The following SOX6 variants were observed in gnomAD, a reference collection of about 807,000 sequenced individuals.
SOX6 encodes transcription factor SOX-6.
A neutral mutation model predicts 97.8 loss-of-function variants in SOX6; 11 were observed. The observed-to-expected ratio is 0.11, with a 90% CI of 0.07 to 0.19. The LOEUF (loss-of-function observed/expected upper bound fraction) is 0.19, where lower values mean the gene tolerates loss of function less well. Ranked by LOEUF, SOX6 falls within the 10% of genes least tolerant of loss-of-function variation. The pLI is 1.00. For synonymous variants in SOX6, 360 were observed against 371.4 expected, an observed-to-expected ratio of 0.97 and a Z score of 0.35; for missense variants, 810 against 1,039.5, an observed-to-expected ratio of 0.78 and a Z score of 3.04.
At chr11:16,507,811 C>T (rs1860815668) in intron 4 of SOX6, among the ~76,000 whole-genome samples, 1 of 152,064 alleles carries the variant, frequency 6.6e-6, no homozygotes, top group African/African-American at 2.4e-5. Flanking sequence ...TACTTCAAGA[C>T]ATAGGTCTAG....
chr11:16,608,724 C>A (rs1383441278), intron 4 of SOX6, among the ~76,000 whole-genome samples: 2 of 152,004 alleles, frequency 1.3e-5, no homozygotes, highest in East Asian at 1.9e-4. Flanking sequence ...AGGACATGTA[C>A]AAATCACCAA....
rs548023520 is a variant in SOX6, at chr11:16,221,385, G to C, written c.535+13197C>G. ...ATAAAAATTATTAATTTTATTAAAT[G>C]GTGACTTTTAAGTACATATACTTTT... On this transcript the variant is annotated intron_variant, in intron 4 of 15. Coordinates refer to ENST00000683767, the MANE Select transcript of SOX6 (RefSeq NM_001367873.1). Among the ~76,000 whole-genome samples the C allele has an allele frequency of 1.5e-3, 235 of 152,058 alleles. No homozygotes were observed. In the Middle Eastern group the frequency reaches 0.017, roughly 11 times the overall value.
chr11:16,691,241 G>A, intron 3 of SOX6, among the ~76,000 whole-genome samples: 1 of 152,186 alleles, frequency 6.6e-6, no homozygotes, highest in East Asian at 1.9e-4. Context: ...AGCAGAGGAA[G>A]CTAGCTAAAA....
In SOX6 at chr11:16,269,483, A is replaced by G. The variant is rs1397063572; in HGVS notation, c.446-34812T>C. Among the ~76,000 whole-genome samples, 4 of 150,786 alleles carry G rather than the reference A, an allele frequency of 2.7e-5. No individual in the cohort carries two copies. In the East Asian group the frequency reaches 5.8e-4, roughly 22 times the overall value. ...ACTTCGGGGAATGTGTTACATTTAT[A>G]AATTATAAATTTATAAAAATTTAAA... On this transcript the variant is annotated intron_variant, in intron 3 of 15. Transcript: ENST00000683767.
chr11:16,714,201 TA>T (rs1273213901), intron 3 of SOX6, among the ~76,000 whole-genome samples: 1 of 152,120 alleles, frequency 6.6e-6, no homozygotes, highest in Admixed American at 6.5e-5. Flanking sequence ...CAAATAGGTT[TA>T]TGTAGACTAT....
At chr11:16,056,602 C>T (rs887274780) in intron 9 of SOX6, among the ~76,000 whole-genome samples, 3 of 152,168 alleles carry the variant, frequency 2.0e-5, no homozygotes, top group African/African-American at 4.8e-5. Context: ...CCACACTTCT[C>T]TCTTCAGGTC....
intron 2 of SOX6, among the ~76,000 whole-genome samples, chr11:16,719,139 G>A (rs1848240536): frequency 6.6e-6 from 1 of 152,126 alleles, no homozygotes; most frequent in Non-Finnish European, 1.5e-5. Flanking sequence ...AAAATGTTGA[G>A]TGTCAAAGAG....
At chr11:16,186,644 G>GTT (rs201353701) in intron 5 of SOX6, 139 bp downstream of exon 5, 32 of 1,061,718 alleles carry the variant, frequency 3.0e-5, no homozygotes, top group Non-Finnish European at 3.8e-5. Flanking sequence ...AGAAGGCTTT[G>GTT]TTTTTTTTTT....
chr11:16,066,113 G>A (rs768559572), intron 9 of SOX6, among the ~76,000 whole-genome samples: 1 of 152,126 alleles, frequency 6.6e-6, no homozygotes, highest in Non-Finnish European at 1.5e-5. Context: ...TATTTGAATA[G>A]GTGTTTCTCA....
intron 12 of SOX6, among the ~76,000 whole-genome samples, chr11:16,022,116 T>C (rs552321550): frequency 6.6e-6 from 1 of 152,262 alleles, no homozygotes; most frequent in South Asian, 2.1e-4. Context: ...AATGATTAAA[T>C]GAGAGATTAT....
intron 9 of SOX6, among the ~76,000 whole-genome samples, chr11:16,095,277 T>C (rs1848769147): frequency 6.6e-6 from 1 of 151,720 alleles, no homozygotes; most frequent in South Asian, 2.1e-4. Flanking sequence ...GAATTAAGCA[T>C]GAAATTGGAG....
intron 6 of SOX6, among the ~76,000 whole-genome samples, chr11:16,126,960 T>C (rs1396798633): frequency 6.6e-6 from 1 of 152,076 alleles, no homozygotes. Context: ...TATCTCTAGA[T>C]TTAAGAACAT....
chr11:16,279,634 C>A (rs1195363427), intron 3 of SOX6, among the ~76,000 whole-genome samples: 2 of 150,646 alleles, frequency 1.3e-5, no homozygotes, highest in Non-Finnish European at 3.0e-5. Context: ...CAGATGAAAA[C>A]TTACATTTTC....
At chr11:16,252,347 G>A (rs1410123994) in intron 3 of SOX6, 1 of 152,244 alleles carries the variant, frequency 6.6e-6, no homozygotes, top group Non-Finnish European at 1.5e-5. Flanking sequence ...GAGAAAGACA[G>A]GCAAAAACAG....
At chr11:16,179,799 T>C (rs1042468342) in intron 6 of SOX6, among the ~76,000 whole-genome samples, 2 of 151,922 alleles carry the variant, frequency 1.3e-5, no homozygotes, top group African/African-American at 4.8e-5. Flanking sequence ...GAGATCGTTG[T>C]TTAGTTAGTT....
chr11:16,195,261 T>C (rs761176242), intron 4 of SOX6, among the ~76,000 whole-genome samples: 1 of 152,222 alleles, frequency 6.6e-6, no homozygotes, highest in Non-Finnish European at 1.5e-5. Context: ...CAGAAAGTAA[T>C]TTGACCAAGT....
chr11:16,491,433 AAAG>A, intron 4 of SOX6, among the ~76,000 whole-genome samples: 1 of 152,286 alleles, frequency 6.6e-6, no homozygotes, highest in African/African-American at 2.4e-5. Flanking sequence ...TCAAAATTAT[AAAG>A]AAGTCAATCT....
chr11:16,175,291 G>A (rs538912016), intron 6 of SOX6, among the ~76,000 whole-genome samples: 13 of 151,968 alleles, frequency 8.6e-5, no homozygotes, highest in Non-Finnish European at 1.5e-4. Flanking sequence ...AACAATGATA[G>A]TGGTATGTAT....
chr11:16,567,089 T>C (rs1348823325), intron 4 of SOX6, among the ~76,000 whole-genome samples: 1 of 152,202 alleles, frequency 6.6e-6, no homozygotes, highest in Admixed American at 6.5e-5. Context: ...CTTGGCACTA[T>C]AAGTAGAAAA....
Sources: gnomAD v4.1 joint callset for allele counts (sites outside exome capture counted in the v4.1 genomes callset) on GRCh38, gnomAD v4.1.1 for gene constraint, MANE v1.5 for transcripts, NCBI Gene and HGNC (gene_info 2026-07-23, HGNC 2026-07-21) for gene names.